Variants in INSR observed in about 807,000 individuals in gnomAD.
INSR encodes IR.
INSR carries 67 observed loss-of-function variants against 142.6 expected under a neutral mutation model. The ratio of observed to expected loss-of-function variants is 0.47; its 90% CI spans 0.39 to 0.58. The LOEUF (loss-of-function observed/expected upper bound fraction) is 0.58. INSR is among the 20% of genes least tolerant of loss of function. INSR has a pLI of 0.00. For synonymous variants in INSR, 756 were observed against 743.1 expected (o/e 1.02, Z -0.28); for missense variants, 1,248 against 1,833.2 (o/e 0.68, Z 5.83).
At chr19:7,163,228 C>T (rs765353883) in intron 8 of INSR, 29 bp from the exon 9 acceptor site, 2 of 1,596,294 alleles carry the variant, frequency 1.3e-6, no homozygotes, top group Admixed American at 1.7e-5. Context: ...ATGGGTCCAT[C>T]ATGAGAAACA....
chr19:7,225,844 T>C lies in INSR; in HGVS notation c.653-41207A>G, dbSNP rs969126414. On this transcript the variant is annotated intron_variant, in intron 2 of 21. Transcript: ENST00000302850. This position sits in a 1 kb window ranked among gnomAD's most constrained non-coding sequence, Gnocchi z 4.7. ...TGTCTGGAGACATTTGTGTTTGCCA[T>C]GCCTCGGGGGCGGCGCTCCAGGCAT... Among the ~76,000 whole-genome samples the C allele has an allele frequency of 6.6e-6, 1 of 152,180 alleles. No individual in the cohort carries two copies. The highest frequency in any genetic ancestry group is 1.5e-5 in the Non-Finnish European group (1 of 68,032).
At position 7,293,182 on chromosome 19, in the gene INSR, G is replaced by A. The variant is rs560995662; in HGVS notation, c.100+610C>T. ...CGCCACTACTTCTGCTACAATTGCT[G>A]CTGTTGCTAAGGCTTTAGAATTTGC... is the stretch of plus-strand genomic sequence containing the variant. On this transcript the variant is annotated intron_variant, in intron 1 of 21. Transcript: ENST00000302850. Among the ~76,000 whole-genome samples, 3 of 152,264 alleles carry A rather than the reference G, an allele frequency of 2.0e-5. No individual in the cohort carries two copies. In the South Asian group the frequency reaches 6.2e-4, roughly 32 times the overall value.
chr19:7,258,896 C>A (rs1192017357), intron 2 of INSR, among the ~76,000 whole-genome samples: 1 of 148,380 alleles, frequency 6.7e-6, no homozygotes, highest in African/African-American at 2.5e-5. Context: ...GATTTCCTCT[C>A]CAGTTTCTTT....
intron 2 of INSR, among the ~76,000 whole-genome samples, chr19:7,187,869 A>G (rs946499449): frequency 6.6e-6 from 1 of 152,102 alleles, no homozygotes. Flanking sequence ...ACTGTGCCTG[A>G]CACAATTCCA....
rs141298500 is a variant in INSR, at chr19:7,255,995, G to C, written c.652+11350C>G. ...AACGGCAATTCATCTTCAACCCCCG[G>C]AAGAGGAGCCGGGAGCCCAGAAACA... On this transcript the variant is annotated intron_variant, in intron 2 of 21. Transcript: ENST00000302850. Among the ~76,000 whole-genome samples the C allele has an allele frequency of 8.4e-4, 128 of 152,130 alleles. 1 individual carries two copies. In the East Asian group the frequency reaches 0.02, roughly 23 times the overall value.
chr19:7,131,568 G>C (rs1046535683), intron 14 of INSR, among the ~76,000 whole-genome samples: 1 of 148,250 alleles, frequency 6.7e-6, no homozygotes, highest in East Asian at 2.1e-4. Flanking sequence ...GGATGGTCTC[G>C]ATCTCCTGAC....
intron 1 of INSR, chr19:7,268,714 A>T: frequency 2.1e-6 from 1 of 466,470 alleles, no homozygotes; most frequent in Non-Finnish European, 2.8e-6. Flanking sequence ...GTGCTGCACT[A>T]ATGTCAGCTA....
At chr19:7,189,262 T>C (rs1974514057) in intron 2 of INSR, among the ~76,000 whole-genome samples, 1 of 152,216 alleles carries the variant, frequency 6.6e-6, no homozygotes, top group South Asian at 2.1e-4. Context: ...GCGTCATCAA[T>C]GGCCTAACAC....
intron 2 of INSR, among the ~76,000 whole-genome samples, chr19:7,234,323 C>T (rs1359537133): frequency 1.3e-5 from 2 of 152,124 alleles, no homozygotes; most frequent in African/African-American, 4.8e-5. Flanking sequence ...CTTCCCGTCT[C>T]AGCCTCCTGA....
chr19:7,287,931 C>T lies in INSR; in HGVS notation c.100+5861G>A, dbSNP rs989323387. On this transcript the variant is annotated intron_variant, in intron 1 of 21. Transcript: ENST00000302850. ...AACCTGCCGTGTCGGGGCATTTTTG[C>T]GCAGTCATAGATGATGAGTAGACAA... Among the ~76,000 whole-genome samples, 5 of 152,232 alleles carry T rather than the reference C, an allele frequency of 3.3e-5. No individual in the cohort carries two copies. The East Asian group carries it at 5.8e-4, about 18-fold the overall frequency.
intron 2 of INSR, among the ~76,000 whole-genome samples, chr19:7,199,839 C>T (rs34680902): frequency 0.033 from 2,571 of 79,100 alleles, 73 homozygotes; most frequent in African/African-American, 0.12. Flanking sequence ...GACACATACG[C>T]CCCGTGAAGG....
intron 2 of INSR, among the ~76,000 whole-genome samples, chr19:7,199,794 T>C (rs1245573501): frequency 6.6e-6 from 1 of 151,632 alleles, no homozygotes; most frequent in Non-Finnish European, 1.5e-5. Context: ...CAGAAATGAA[T>C]GGAGACCCTG....
At chr19:7,184,669 A>AATAC in intron 2 of INSR, 32 bp from the exon 3 acceptor site, 1 of 784,860 alleles carries the variant, frequency 1.3e-6, no homozygotes. Context: ...GAGGGAAATA[A>AATAC]ATAAATAAAT....
intron 2 of INSR, among the ~76,000 whole-genome samples, chr19:7,195,927 CTTTCTTTTTTT>C (rs374138569): frequency 0.28 from 27,500 of 99,864 alleles, 2,837 homozygotes; most frequent in Admixed American, 0.33. Context: ...TCTTTCTTTT[CTTTCTTTTTTT>C]TTTTTTTTTT....
In INSR at chr19:7,135,566, A is replaced by G. The variant is rs1972901849; in HGVS notation, c.2683-3249T>C. Among the ~76,000 whole-genome samples the G allele has an allele frequency of 3.4e-5, 5 of 149,146 alleles. No homozygotes were observed. In the South Asian group the frequency reaches 1.1e-3, roughly 32 times the overall value. On this transcript the variant is annotated intron_variant, in intron 13 of 21. Transcript: ENST00000302850. ...GTGGCGGATGGCGGGCCTGGGTGAC[A>G]CACCATGACTCTGTCTCTGAAAAAA...
At position 7,270,339 on chromosome 19, in the gene INSR, T is replaced by TCACACACA. The variant is rs1178953100; in HGVS notation, c.101-2451_101-2444dup. The stretch of plus-strand genomic sequence containing the variant: ...ATTTCTCTCTCTCTCTCTCTCTCTC[T>TCACACACA]CACACACACACACACACACACACAC... On this transcript the variant is annotated intron_variant, in intron 1 of 21. Coordinates refer to ENST00000302850, the MANE Select transcript of INSR (RefSeq NM_000208.4). 4.2e-3 allele frequency among the ~76,000 whole-genome samples: 506 copies of TCACACACA among 120,280 alleles called. 6 individuals carry two copies. Among genetic ancestry groups the TCACACACA allele is most frequent in the African/African-American group, 0.012 (357 of 29,502 alleles). 78.9% of individuals were successfully genotyped at this position (120,280 alleles called of 152,430 possible). A position where few individuals can be genotyped will look rare whatever the true frequency, so the allele number is the denominator to read the frequency against.
At position 7,294,041 on chromosome 19, in the gene INSR, G is replaced by T. The variant is rs1372566835; in HGVS notation, c.-150C>A. On this transcript the variant is annotated 5_prime_UTR_variant, in exon 1 of 22. Transcript: ENST00000302850. ...CCGCGGGCCGCAGCCCCCCTGCCGG[G>T]GAGGGCCCAGAGGCAGCCCCGGGAA... is the stretch of plus-strand genomic sequence containing the variant. The T allele has an allele frequency of 3.8e-5, 33 of 867,058 alleles. No homozygotes were observed. The highest frequency in any genetic ancestry group is 1.1e-4 in the South Asian group (2 of 17,902). 53.7% of individuals were successfully genotyped at this position (867,058 alleles called of 1,614,324 possible).
intron 13 of INSR, among the ~76,000 whole-genome samples, chr19:7,141,170 C>T (rs1290610558): frequency 6.6e-6 from 1 of 152,076 alleles, no homozygotes; most frequent in Non-Finnish European, 1.5e-5. Flanking sequence ...AGCTTCCCAC[C>T]TTGGCCTCCT....
At chr19:7,277,743 G>T (rs910291935) in intron 1 of INSR, among the ~76,000 whole-genome samples, 10 of 152,090 alleles carry the variant, frequency 6.6e-5, no homozygotes, top group Admixed American at 5.9e-4. Flanking sequence ...GCTGCAGTGA[G>T]CTATGACTGC....
Sources: allele counts gnomAD v4.1 joint callset (sites outside exome capture counted in the v4.1 genomes callset), GRCh38; gene constraint gnomAD v4.1.1; non-coding constraint Gnocchi (gnomAD v3.1); transcripts MANE v1.5; gene names NCBI Gene and HGNC (gene_info 2026-07-23, HGNC 2026-07-21).